FGL1: variants seen among roughly 807,000 people sequenced by gnomAD.
FGL1 encodes fibrinogen like 1, also known as fibrinogen-like protein 1.
In FGL1, 59 loss-of-function variants were observed where a neutral mutation model predicts 43.7. The observed-to-expected ratio is 1.35, with a 90% confidence interval of 1.10 to 1.68. FGL1 has a LOEUF of 1.68. Among genes scored for constraint, FGL1 ranks in the 40% most tolerant of loss-of-function variants. The pLI is 0.00. For missense variants in FGL1, 596 were observed against 373.0 expected, an observed-to-expected ratio of 1.60 and a Z score of -4.92; for synonymous variants, 192 against 126.5, an observed-to-expected ratio of 1.52 and a Z score of -3.48.
rs145841516 is a variant in FGL1, at chr8:17,886,662, G to A, written c.-17-1091C>T. ...ACTCCCAGCCACTCGGGAGGCTGAG[G>A]CAGGAGAATTGCTTGAACCCGGGAG... On this transcript the variant is annotated intron_variant, in intron 1 of 7. Transcript: ENST00000427924. 3.5e-3 allele frequency among the ~76,000 whole-genome samples: 538 copies of A among 152,282 alleles called. 3 individuals carry two copies. The highest frequency in any genetic ancestry group is 3.2e-3 in the Non-Finnish European group (219 of 68,020).
Position 17,869,017 on chromosome 8 carries a change from C to A in FGL1, c.503-13G>T. 4 of 1,540,056 alleles carry A rather than the reference C, an allele frequency of 2.6e-6. No homozygotes were observed. The highest frequency in any genetic ancestry group is 1.2e-5 in the South Asian group (1 of 84,260). On this transcript the variant is annotated splice_polypyrimidine_tract_variant and intron_variant, in intron 5 of 7. Coordinates refer to ENST00000427924, the MANE Select transcript of FGL1 (RefSeq NM_004467.4). ...AAAGTGTAGTCTTCTAAAAAAGAAACAAGCAATTATAATTTTTAAAAATGT... is the reference window on the plus strand; with the variant it reads ...AAAGTGTAGTCTTCTAAAAAAGAAAAAAGCAATTATAATTTTTAAAAATGT...
At chr8:17,877,578 C>T (rs1585137204) in intron 3 of FGL1, among the ~76,000 whole-genome samples, 1 of 151,028 alleles carries the variant, frequency 6.6e-6, no homozygotes, top group African/African-American at 2.4e-5. Context: ...AGAACTGGCC[C>T]TGCTACCGCC....
At chr8:17,868,446 A>G (rs2053303682) in intron 7 of FGL1, 102 bp downstream of exon 7, 2 of 877,936 alleles carry the variant, frequency 2.3e-6, no homozygotes, top group Non-Finnish European at 1.6e-6. Flanking sequence ...TACTAATATT[A>G]TAAATAAAGA....
intron 1 of FGL1, among the ~76,000 whole-genome samples, chr8:17,888,280 G>T (rs925842566): frequency 9.2e-5 from 14 of 152,218 alleles, no homozygotes; most frequent in Middle Eastern, 3.4e-3. Context: ...GACCAAATTA[G>T]AAGAAAAGAT....
At chr8:17,875,745 C>T (rs1234612166) in intron 3 of FGL1, among the ~76,000 whole-genome samples, 2 of 151,994 alleles carry the variant, frequency 1.3e-5, no homozygotes, top group Non-Finnish European at 2.9e-5. Flanking sequence ...GCTGGGATCA[C>T]AGCCACGCAC....
At position 17,868,986 on chromosome 8, in the gene FGL1, A is replaced by AT; in HGVS notation, c.520dup (p.Ile174AsnfsTer7). 6.2e-7 allele frequency: 1 copy of AT among 1,603,226 alleles called. No homozygotes were observed. Among genetic ancestry groups the AT allele is most frequent in the Non-Finnish European group, 8.5e-7 (1 of 1,175,506 alleles). ...ATTTTTTTCAAAATCTGCAAGGTCG[A>AT]TTTTTAAAGTGTAGTCTTCTAAAAA... On this transcript the variant is annotated frameshift_variant, in exon 6 of 8. Transcript: ENST00000427924. LOFTEE classifies it high-confidence loss of function.
At chr8:17,874,223 T>G in intron 4 of FGL1, 107 bp from the exon 5 acceptor site, 1 of 1,353,624 alleles carries the variant, frequency 7.4e-7, no homozygotes, top group South Asian at 1.3e-5. Flanking sequence ...TCTTGATTAG[T>G]TAATTCATTT....
At chr8:17,869,992 C>G (rs1417429340) in intron 5 of FGL1, among the ~76,000 whole-genome samples, 1 of 152,086 alleles carries the variant, frequency 6.6e-6, no homozygotes, top group Non-Finnish European at 1.5e-5. Context: ...CACCTGTAGT[C>G]CCAGCTACTT....
chr8:17,869,133 G>T (rs1465787348), intron 5 of FGL1, 129 bp from the exon 6 acceptor site: 3 of 568,016 alleles, frequency 5.3e-6, no homozygotes, highest in East Asian at 3.0e-5. Context: ...AGTTTTCAAA[G>T]ATTAAACAGT....
intron 1 of FGL1, among the ~76,000 whole-genome samples, chr8:17,886,924 G>T (rs1455364065): frequency 6.6e-6 from 1 of 152,142 alleles, no homozygotes; most frequent in Non-Finnish European, 1.5e-5. Context: ...TGCTAGCTTG[G>T]AAGTGAAGGT....
chr8:17,876,675 T>C (rs1305165574), intron 3 of FGL1, among the ~76,000 whole-genome samples: 1 of 152,164 alleles, frequency 6.6e-6, no homozygotes, highest in African/African-American at 2.4e-5. Flanking sequence ...TTTAGCCCTA[T>C]TTGGAAAGAA....
intron 2 of FGL1, chr8:17,882,398 A>T: frequency 2.4e-6 from 1 of 413,934 alleles, no homozygotes; most frequent in South Asian, 3.6e-5. Flanking sequence ...CAAAAGATCA[A>T]ATAATATAAA....
chr8:17,874,066 C>T lies in FGL1; in HGVS notation c.455G>A (p.Gly152Asp), dbSNP rs915865316. The T allele has an allele frequency of 6.8e-6, 11 of 1,611,762 alleles. No individual in the cohort carries two copies. The highest frequency in any genetic ancestry group is 9.3e-6 in the Non-Finnish European group (11 of 1,179,472). ...ATTTTTATTGCCCAGCCAATATTCA[C>T]CATGTTTTTGGACAAAATTTCCAAA... Reference protein sequence around the residue: ...NGFGNFVQKHGEYWLGNKNLH... With the variant: ...NGFGNFVQKHDEYWLGNKNLH... Residue 152 changes from glycine to aspartate, a missense_variant, in exon 5 of 8, where the codon GGT becomes GAT. Gly to Asp is a moderately conservative substitution (Grantham distance 94). Coordinates refer to ENST00000427924, the MANE Select transcript of FGL1 (RefSeq NM_004467.4).
intron 5 of FGL1, among the ~76,000 whole-genome samples, chr8:17,873,683 C>G (rs375115982): frequency 1.6e-4 from 20 of 123,230 alleles, no homozygotes; most frequent in East Asian, 1.1e-3. Flanking sequence ...CTATATATAT[C>G]TATAGATACA....
intron 7 of FGL1, among the ~76,000 whole-genome samples, chr8:17,867,040 A>T (rs1468636441): frequency 6.6e-6 from 1 of 152,216 alleles, no homozygotes; most frequent in African/African-American, 2.4e-5. Context: ...CAGTTCCTTT[A>T]TAAATGATCA....
At position 17,894,267 on chromosome 8, in the gene FGL1, C is replaced by G. The variant is rs6983087; in HGVS notation, c.-18+1180G>C. 1.6e-4 allele frequency among the ~76,000 whole-genome samples: 24 copies of G among 146,078 alleles called. 1 individual carries two copies. Among genetic ancestry groups the G allele is most frequent in the Non-Finnish European group, 3.0e-4 (20 of 67,584 alleles). ...AAAAAGGAAGGAAAAAGTTATTGAA[C>G]GAAGTATGTTTAATAAGTTAGCATT... On this transcript the variant is annotated intron_variant, in intron 1 of 7. Coordinates refer to ENST00000427924, the MANE Select transcript of FGL1 (RefSeq NM_004467.4).
Position 17,893,373 on chromosome 8 carries a change from C to T in FGL1, c.-18+2074G>A, listed in dbSNP as rs35413051. On this transcript the variant is annotated intron_variant, in intron 1 of 7. Coordinates refer to ENST00000427924, the MANE Select transcript of FGL1 (RefSeq NM_004467.4). ...TTTACCTACGCACACTGTATATATA[C>T]GTATATGTATGAACATAACATTATT... 2.7e-3 allele frequency among the ~76,000 whole-genome samples: 415 copies of T among 150,986 alleles called. 3 individuals carry two copies. Among genetic ancestry groups the T allele is most frequent in the Middle Eastern group, 0.011 (3 of 282 alleles).
intron 3 of FGL1, among the ~76,000 whole-genome samples, chr8:17,877,383 G>A (rs1463372142): frequency 2.0e-5 from 3 of 152,198 alleles, no homozygotes; most frequent in Non-Finnish European, 4.4e-5. Flanking sequence ...ATGTTGGAAG[G>A]CTGAATGTTT....
chr8:17,880,503 T>A (rs1455802429), intron 3 of FGL1, among the ~76,000 whole-genome samples: 1 of 152,222 alleles, frequency 6.6e-6, no homozygotes, highest in African/African-American at 2.4e-5. Context: ...TGTCCGAATT[T>A]ATATTTGCTT....
Sources: allele counts gnomAD v4.1 joint callset (sites outside exome capture counted in the v4.1 genomes callset), GRCh38; gene constraint gnomAD v4.1.1; transcripts MANE v1.5; gene names NCBI Gene and HGNC (gene_info 2026-07-23, HGNC 2026-07-21).